The following STPG2 variants were observed in gnomAD, a reference collection of about 807,000 sequenced individuals.
STPG2 encodes sperm tail PG-rich repeat containing 2, also known as sperm-tail PG-rich repeat-containing protein 2.
STPG2 carries 56 observed loss-of-function variants against 54.2 expected under a neutral mutation model. The observed-to-expected ratio is 1.03, with a 90% CI of 0.83 to 1.29. The LOEUF is 1.29. Ranked by LOEUF, STPG2 falls within the 50% of genes most tolerant of loss-of-function variation. The pLI is 0.00. For missense variants in STPG2, 596 were observed against 544.9 expected, an observed-to-expected ratio of 1.09 and a Z score of -0.93; for synonymous variants, 200 against 181.8, an observed-to-expected ratio of 1.10 and a Z score of -0.81.
At chr4:97,815,258 G>A (rs561716128) in intron 9 of STPG2, among the ~76,000 whole-genome samples, 28 of 152,216 alleles carry the variant, frequency 1.8e-4, no homozygotes, top group Middle Eastern at 3.4e-3. Flanking sequence ...GTGTGCACAC[G>A]TTTGTATATA....
intron 10 of STPG2, among the ~76,000 whole-genome samples, chr4:97,662,509 G>A (rs2148962472): frequency 6.6e-6 from 1 of 152,136 alleles, no homozygotes; most frequent in East Asian, 1.9e-4. Flanking sequence ...TCTGATTATT[G>A]GTATACACCC....
At chr4:98,012,279 T>G (rs1197426596) in intron 5 of STPG2, among the ~76,000 whole-genome samples, 2 of 152,212 alleles carry the variant, frequency 1.3e-5, no homozygotes, top group East Asian at 3.9e-4. Context: ...GTGTGATTTC[T>G]GAGGTCTCTG....
intron 5 of STPG2, among the ~76,000 whole-genome samples, chr4:97,984,094 C>T (rs1734757941): frequency 6.6e-6 from 1 of 152,048 alleles, no homozygotes; most frequent in African/African-American, 2.4e-5. Context: ...TTTATAATTG[C>T]TTTACCCATA....
At chr4:97,685,116 C>A (rs76950140) in intron 10 of STPG2, among the ~76,000 whole-genome samples, 2,693 of 152,080 alleles carry the variant, frequency 0.018, 75 homozygotes, top group African/African-American at 0.061. Flanking sequence ...CCTTTCATTG[C>A]TGATGGAAAT....
chr4:97,876,708 A>G (rs1358401684), intron 8 of STPG2, among the ~76,000 whole-genome samples: 1 of 152,052 alleles, frequency 6.6e-6, no homozygotes, highest in Non-Finnish European at 1.5e-5. Context: ...TTAAAAGAAG[A>G]TGAAACAATA....
intron 8 of STPG2, among the ~76,000 whole-genome samples, chr4:97,874,299 CTG>C (rs1193407529): frequency 1.3e-5 from 2 of 151,568 alleles, no homozygotes; most frequent in Non-Finnish European, 1.5e-5. Flanking sequence ...GTGGTTTTCT[CTG>C]TGTTTTTATA....
At chr4:97,681,201 T>C (rs1330182403) in intron 10 of STPG2, among the ~76,000 whole-genome samples, 1 of 151,830 alleles carries the variant, frequency 6.6e-6, no homozygotes, top group Non-Finnish European at 1.5e-5. Context: ...TCTAAGAAAA[T>C]AATTATTCTT....
chr4:97,865,266 T>A, intron 8 of STPG2, among the ~76,000 whole-genome samples: 1 of 151,708 alleles, frequency 6.6e-6, no homozygotes, highest in Admixed American at 6.6e-5. Flanking sequence ...AACAACCCCA[T>A]CAAAAAGTGG....
At chr4:97,658,789 T>C (rs1722291494) in intron 10 of STPG2, among the ~76,000 whole-genome samples, 1 of 152,212 alleles carries the variant, frequency 6.6e-6, no homozygotes, top group African/African-American at 2.4e-5. Flanking sequence ...ATATGGGGCA[T>C]ACGTACTAAA....
chr4:97,469,204 G>T (rs1291548507), intron 4 of STPG2, among the ~76,000 whole-genome samples: 3 of 152,078 alleles, frequency 2.0e-5, no homozygotes, highest in African/African-American at 7.2e-5. Flanking sequence ...TAAAGGGAAT[G>T]CTCAGTTTTC....
At chr4:97,735,219 TATAG>T (rs1362118083) in intron 9 of STPG2, among the ~76,000 whole-genome samples, 11 of 151,888 alleles carry the variant, frequency 7.2e-5, no homozygotes, top group Non-Finnish European at 1.2e-4. Context: ...GGGTTATATA[TATAG>T]ATATATAGAT....
intron 4 of STPG2, among the ~76,000 whole-genome samples, chr4:97,507,180 A>G (rs1730867827): frequency 6.6e-6 from 1 of 151,956 alleles, no homozygotes; most frequent in African/African-American, 2.4e-5. Context: ...AGAATAAAAC[A>G]AACAGGACAT....
intron 10 of STPG2, among the ~76,000 whole-genome samples, chr4:97,634,194 G>A (rs1271664702): frequency 2.0e-5 from 3 of 152,008 alleles, no homozygotes; most frequent in Non-Finnish European, 4.4e-5. Flanking sequence ...CCTGACCCCC[G>A]AGCACCCTAA....
At chr4:98,001,124 C>T (rs1735401597) in intron 5 of STPG2, among the ~76,000 whole-genome samples, 1 of 151,976 alleles carries the variant, frequency 6.6e-6, no homozygotes, top group Non-Finnish European at 1.5e-5. Flanking sequence ...TCAGCTGAGT[C>T]AAAAATTTAA....
intron 9 of STPG2, among the ~76,000 whole-genome samples, chr4:97,729,907 A>G (rs1724746534): frequency 6.6e-6 from 1 of 152,078 alleles, no homozygotes; most frequent in African/African-American, 2.4e-5. Context: ...GCCTAGAAAA[A>G]CTACTGATTT....
At chr4:98,112,368 C>T (rs536428035) in intron 3 of STPG2, among the ~76,000 whole-genome samples, 1 of 152,132 alleles carries the variant, frequency 6.6e-6, no homozygotes, top group East Asian at 1.9e-4. Flanking sequence ...ATGGGCTATA[C>T]CATATAGCTT....
chr4:98,078,113 G>A (rs750504032), intron 5 of STPG2, among the ~76,000 whole-genome samples: 3 of 152,138 alleles, frequency 2.0e-5, no homozygotes, highest in Non-Finnish European at 4.4e-5. Flanking sequence ...AAAAAAAAGA[G>A]CAAAAGAGAA....
intron 7 of STPG2, among the ~76,000 whole-genome samples, chr4:97,961,284 C>T (rs1303358438): frequency 6.6e-6 from 1 of 152,046 alleles, no homozygotes; most frequent in Non-Finnish European, 1.5e-5. Context: ...TAGACATTGG[C>T]TTAGGCAAAG....
chr4:97,533,494 T>C (rs1731461276), intron 4 of STPG2, among the ~76,000 whole-genome samples: 2 of 152,134 alleles, frequency 1.3e-5, no homozygotes, highest in African/African-American at 4.8e-5. Context: ...TTGACAAATA[T>C]AAACATCCAT....
Sources: allele counts gnomAD v4.1 joint callset (sites outside exome capture counted in the v4.1 genomes callset), GRCh38; gene constraint gnomAD v4.1.1; transcripts MANE v1.5; gene names NCBI Gene and HGNC (gene_info 2026-07-23, HGNC 2026-07-21).